The following UGT1A10 variants were observed in gnomAD, a reference collection of about 807,000 sequenced individuals.
UGT1A10 encodes UDP glucuronosyltransferase family 1 member A10, also known as UDP-glucuronosyltransferase 1A10.
UGT1A10 carries 49 observed loss-of-function variants against 45.8 expected under a neutral mutation model. That is an observed-to-expected ratio of 1.07 (90% CI 0.85 to 1.36). The LOEUF (loss-of-function observed/expected upper bound fraction) is 1.36, where lower values mean the gene tolerates loss of function less well. Among genes scored for constraint, UGT1A10 ranks in the 40% most tolerant of loss-of-function variants. The pLI is 0.00. For missense variants in UGT1A10, 745 were observed against 668.6 expected (o/e 1.11, Z -1.26); for synonymous variants, 284 against 249.7 (o/e 1.14, Z -1.29).
At chr2:233,690,523 C>G (rs1440582622) in intron 1 of UGT1A10, 1 of 1,289,714 alleles carries the variant, frequency 7.8e-7, no homozygotes, top group Non-Finnish European at 1.0e-6. Flanking sequence ...ATCTTAGGAT[C>G]TACTTCTTTC....
chr2:233,693,640 C>T (rs2075172238), intron 1 of UGT1A10: 1 of 1,614,182 alleles, frequency 6.2e-7, no homozygotes, highest in Non-Finnish European at 8.5e-7. Context: ...TGGCCAACTT[C>T]CTTGTTAATT....
intron 1 of UGT1A10, among the ~76,000 whole-genome samples, chr2:233,685,926 G>T (rs745922812): frequency 1.3e-5 from 2 of 152,052 alleles, no homozygotes; most frequent in Non-Finnish European, 2.9e-5. Flanking sequence ...AATTTATCCT[G>T]ATTGTCTCAA....
intron 1 of UGT1A10, among the ~76,000 whole-genome samples, chr2:233,704,329 A>C (rs1314519852): frequency 7.9e-6 from 1 of 126,880 alleles, no homozygotes; most frequent in African/African-American, 3.3e-5. Flanking sequence ...TTTTCTTTCC[A>C]CTATTTAAAA....
chr2:233,672,420 C>A (rs2074225961), intron 1 of UGT1A10: 1 of 1,613,894 alleles, frequency 6.2e-7, no homozygotes, highest in Admixed American at 1.7e-5. Flanking sequence ...AATATTTCTC[C>A]CTCCCCTCCG....
intron 1 of UGT1A10, among the ~76,000 whole-genome samples, chr2:233,676,355 A>G (rs1404847011): frequency 6.6e-6 from 1 of 152,202 alleles, no homozygotes; most frequent in Non-Finnish European, 1.5e-5. Context: ...GAATAAATAT[A>G]GGATTATAGC....
chr2:233,680,254 A>G (rs938360089), intron 1 of UGT1A10, among the ~76,000 whole-genome samples: 4 of 152,190 alleles, frequency 2.6e-5, no homozygotes, highest in African/African-American at 4.8e-5. Context: ...TACACTAAAC[A>G]TGATGAAAAA....
At chr2:233,683,552 C>A (rs1273421240) in intron 1 of UGT1A10, among the ~76,000 whole-genome samples, 1 of 152,072 alleles carries the variant, frequency 6.6e-6, no homozygotes, top group Non-Finnish European at 1.5e-5. Context: ...GTGAGATTGG[C>A]CTTCTTTTGC....
intron 1 of UGT1A10, chr2:233,713,016 CT>C: frequency 6.2e-7 from 1 of 1,613,704 alleles, no homozygotes; most frequent in Non-Finnish European, 8.5e-7. Context: ...CCAGGTTCCC[CT>C]GCCGCAGCTG....
At chr2:233,768,945 T>C (rs1365506143) in intron 4 of UGT1A10, among the ~76,000 whole-genome samples, 1 of 152,204 alleles carries the variant, frequency 6.6e-6, no homozygotes, top group Admixed American at 6.5e-5. Context: ...TTCTTTAGTT[T>C]CTATATAATT....
At chr2:233,721,854 C>G in intron 1 of UGT1A10, 1 of 513,502 alleles carries the variant, frequency 1.9e-6, no homozygotes, top group Non-Finnish European at 3.9e-6. Context: ...AGCCCCACTG[C>G]TCGGCCCTGG....
rs2073793646 is a variant in UGT1A10 at position 233,653,833 on chromosome 2, A to G, written c.855+16456A>G. Among the ~76,000 whole-genome samples, 4 of 152,168 alleles carry G rather than the reference A, an allele frequency of 2.6e-5. No homozygotes were observed. In the South Asian group the frequency reaches 6.2e-4, roughly 24 times the overall value. On this transcript the variant is annotated intron_variant, in intron 1 of 4. Coordinates refer to ENST00000344644, the MANE Select transcript of UGT1A10 (RefSeq NM_019075.4). The stretch of plus-strand genomic sequence containing the variant: ...GTTGGTCTTGAACTCCTGACTTCAG[A>G]TGATCTGCCCTTCTCAGCCTCCCAA...
chr2:233,755,339 G>A (rs2125934548), intron 1 of UGT1A10: 7 of 431,136 alleles, frequency 1.6e-5, no homozygotes, highest in South Asian at 1.2e-4. Flanking sequence ...CCGCGCACAG[G>A]TCAGAGGCTT....
At position 233,637,246 on chromosome 2, in the gene UGT1A10, T is replaced by C; in HGVS notation, c.724T>C (p.Tyr242His). 2 of 1,613,992 alleles carry C rather than the reference T, an allele frequency of 1.2e-6. No homozygotes were observed. The highest frequency in any genetic ancestry group is 1.7e-6 in the Non-Finnish European group (2 of 1,179,870). The change falls in exon 1 of 5, where the codon TAT (tyrosine) becomes CAT (histidine). Residue 242 changes from tyrosine (Y) to histidine (H), a missense_variant. Tyr to His is a moderately conservative substitution (Grantham distance 83). Transcript: ENST00000344644. The part of the protein sequence containing the change: ...SEILQTPVTA[Y>H]DLYSHTSIWL... ...AATTCTCCAAACCCCTGTCACGGCA[T>C]ATGATCTCTACAGTCACACATCAAT...
intron 1 of UGT1A10, among the ~76,000 whole-genome samples, chr2:233,715,228 A>G (rs554493874): frequency 2.6e-5 from 4 of 152,214 alleles, no homozygotes; most frequent in East Asian, 1.9e-4. Context: ...AATCTGCCCA[A>G]TTCTGTGAAG....
chr2:233,769,493 G>A lies in UGT1A10; in HGVS notation c.1295+1054G>A. ...TGTGTGTGTGTGCGTGTGTTTATGA[G>A]AGTGTCCATTGCTTTCTCCCATGGT... On this transcript the variant is annotated intron_variant, in intron 4 of 4. Coordinates refer to ENST00000344644, the MANE Select transcript of UGT1A10 (RefSeq NM_019075.4). The surrounding 1 kb of genome is among the most constrained non-coding windows in gnomAD (Gnocchi z 4.4). 1 of 1,612,700 alleles carries A rather than the reference G, an allele frequency of 6.2e-7. No homozygotes were observed. Among genetic ancestry groups the A allele is most frequent in the East Asian group, 2.2e-5 (1 of 44,876 alleles).
chr2:233,718,122 G>A (rs1197667790), intron 1 of UGT1A10: 2 of 287,308 alleles, frequency 7.0e-6, no homozygotes, highest in Non-Finnish European at 1.4e-5. Context: ...CTTATTCCAT[G>A]GTGTAGATGG....
chr2:233,693,893 C>T (rs756262106), intron 1 of UGT1A10: 2 of 1,613,868 alleles, frequency 1.2e-6, no homozygotes, highest in East Asian at 2.2e-5. Flanking sequence ...TTTTGGACTG[C>T]CTTGTTTCTT....
rs749836255 is a variant in UGT1A10 at position 233,760,959 on chromosome 2, C to T, written c.856-6075C>T. 27 of 1,614,184 alleles carry T rather than the reference C, an allele frequency of 1.7e-5. No homozygotes were observed. The highest frequency in any genetic ancestry group is 1.9e-5 in the Non-Finnish European group (23 of 1,180,034). On this transcript the variant is annotated intron_variant, in intron 1 of 4. Transcript: ENST00000344644. ...CCTTTTCACAGAACTTTCTGTGCGA[C>T]GTGGTTTATTCCCCGTATGCAACCC...
At chr2:233,644,450 C>G (rs897600926) in intron 1 of UGT1A10, among the ~76,000 whole-genome samples, 12 of 152,040 alleles carry the variant, frequency 7.9e-5, no homozygotes, top group African/African-American at 2.9e-4. Flanking sequence ...TGCCGGTAAT[C>G]CCAGCTACTC....
Sources: allele counts gnomAD v4.1 joint callset (sites outside exome capture counted in the v4.1 genomes callset), GRCh38; gene constraint gnomAD v4.1.1; non-coding constraint Gnocchi (gnomAD v3.1); transcripts MANE v1.5; gene names NCBI Gene and HGNC (gene_info 2026-07-23, HGNC 2026-07-21).